Variants in PCED1B observed in about 807,000 individuals in gnomAD.
The protein encoded by PCED1B is PC-esterase domain containing 1B, also known as PC-esterase domain-containing protein 1B.
For synonymous variants in PCED1B, 251 were observed against 246.1 expected (o/e 1.02, Z -0.19); for missense variants, 573 against 573.9 (o/e 1.00, Z 0.02).
intron 2 of PCED1B, among the ~76,000 whole-genome samples, chr12:47,116,010 A>C (rs1939404121): frequency 6.6e-6 from 1 of 152,246 alleles, no homozygotes; most frequent in African/African-American, 2.4e-5. Flanking sequence ...AAAACTTGAA[A>C]TAAATAAGGT....
intron 2 of PCED1B, among the ~76,000 whole-genome samples, chr12:47,131,423 G>C (rs1940120397): frequency 6.6e-6 from 1 of 152,132 alleles, no homozygotes; most frequent in Admixed American, 6.5e-5. Flanking sequence ...TAGAAAACTT[G>C]TTAGGATAAA....
chr12:47,118,611 A>C (rs1939538228), intron 2 of PCED1B, among the ~76,000 whole-genome samples: 1 of 152,164 alleles, frequency 6.6e-6, no homozygotes, highest in Non-Finnish European at 1.5e-5. Flanking sequence ...GTATAGTTTG[A>C]AGTCAGGTAG....
chr12:47,201,686 C>A (rs1444358159), intron 2 of PCED1B, among the ~76,000 whole-genome samples: 1 of 151,906 alleles, frequency 6.6e-6, no homozygotes, highest in Non-Finnish European at 1.5e-5. Context: ...GCAGCCTCAA[C>A]CTCCCGGGCT....
At chr12:47,093,294 T>C (rs543628502) in intron 1 of PCED1B, among the ~76,000 whole-genome samples, 1 of 152,110 alleles carries the variant, frequency 6.6e-6, no homozygotes, top group African/African-American at 2.4e-5. Context: ...TTCCTTTTAT[T>C]GTCCTTTTGA....
rs776141611 is a variant in PCED1B, at chr12:47,180,150, T to C, written c.-525-36072T>C. On this transcript the variant is annotated intron_variant, in intron 2 of 3. Coordinates refer to ENST00000546455, the MANE Select transcript of PCED1B (RefSeq NM_138371.3). ...GTGTTCCTCACTATGTGTCTATGTG[T>C]TCTCATCGTTCACCTCCCACTTGTA... Among the ~76,000 whole-genome samples the C allele has an allele frequency of 7.4e-4, 113 of 152,320 alleles. 1 individual carries two copies. Among genetic ancestry groups the C allele is most frequent in the Admixed American group, 1.6e-3 (25 of 15,298 alleles).
At chr12:47,109,736 T>C (rs751484172) in intron 2 of PCED1B, among the ~76,000 whole-genome samples, 10 of 152,168 alleles carry the variant, frequency 6.6e-5, no homozygotes, top group Non-Finnish European at 1.3e-4. Context: ...GGGGGTGCAA[T>C]AGAATTACCT....
chr12:47,150,117 A>G (rs530224170), intron 2 of PCED1B, among the ~76,000 whole-genome samples: 2 of 152,184 alleles, frequency 1.3e-5, no homozygotes, highest in African/African-American at 2.4e-5. Context: ...TTATTTGTCA[A>G]TCATATTTTA....
chr12:47,118,978 G>A (rs1231853991), intron 2 of PCED1B, among the ~76,000 whole-genome samples: 5 of 152,050 alleles, frequency 3.3e-5, no homozygotes, highest in African/African-American at 7.2e-5. Flanking sequence ...TCACAATCAT[G>A]AGTGTTTTTA....
intron 2 of PCED1B, among the ~76,000 whole-genome samples, chr12:47,127,692 T>C (rs1274966960): frequency 6.6e-6 from 1 of 152,108 alleles, no homozygotes; most frequent in African/African-American, 2.4e-5. Flanking sequence ...TTTAATTCGA[T>C]TTTGGTAAAA....
In PCED1B at chr12:47,204,077, T is replaced by C. The variant is rs11183794; in HGVS notation, c.-525-12145T>C. Among the ~76,000 whole-genome samples, 1,654 of 152,266 alleles carry C rather than the reference T, an allele frequency of 0.011. 80 individuals are homozygous for C. In the East Asian group the frequency reaches 0.15, roughly 14 times the overall value. On this transcript the variant is annotated intron_variant, in intron 2 of 3. Coordinates refer to ENST00000546455, the MANE Select transcript of PCED1B (RefSeq NM_138371.3). The stretch of plus-strand genomic sequence containing the variant: ...CCTCTACCTCAGCCTCCCAAGTAGC[T>C]GGGACTACAGGCATGTGCCATCATG...
At chr12:47,082,679 CATT>C (rs928938177) in intron 1 of PCED1B, among the ~76,000 whole-genome samples, 3 of 152,150 alleles carry the variant, frequency 2.0e-5, no homozygotes, top group African/African-American at 7.2e-5. Context: ...AGCCCTGTGA[CATT>C]ATATAATCCT....
chr12:47,178,860 C>G (rs1395685994), intron 2 of PCED1B, among the ~76,000 whole-genome samples: 2 of 136,932 alleles, frequency 1.5e-5, no homozygotes, highest in African/African-American at 5.4e-5. Context: ...GAGTGAGACT[C>G]CATCTCAAAA....
chr12:47,115,965 T>C (rs1939401434), intron 2 of PCED1B, among the ~76,000 whole-genome samples: 1 of 152,218 alleles, frequency 6.6e-6, no homozygotes, highest in African/African-American at 2.4e-5. Context: ...TCTTTTAAAT[T>C]AGCTCACTAG....
At chr12:47,213,418 G>A (rs1486225322) in intron 2 of PCED1B, among the ~76,000 whole-genome samples, 1 of 152,102 alleles carries the variant, frequency 6.6e-6, no homozygotes, top group Non-Finnish European at 1.5e-5. Flanking sequence ...GTTTAAGGCA[G>A]CCCAGGAATA....
At chr12:47,099,438 G>T (rs576741361) in intron 1 of PCED1B, among the ~76,000 whole-genome samples, 8 of 152,202 alleles carry the variant, frequency 5.3e-5, no homozygotes, top group African/African-American at 1.7e-4. Context: ...CTTGAAAGCG[G>T]GGATCGTCTC....
chr12:47,168,255 A>T (rs894952899), intron 2 of PCED1B, among the ~76,000 whole-genome samples: 5 of 152,192 alleles, frequency 3.3e-5, no homozygotes, highest in African/African-American at 9.7e-5. Flanking sequence ...GTAGCATTTG[A>T]TCTACCCAAG....
chr12:47,126,832 G>A (rs1939906999), intron 2 of PCED1B, among the ~76,000 whole-genome samples: 1 of 152,028 alleles, frequency 6.6e-6, no homozygotes, highest in Non-Finnish European at 1.5e-5. Flanking sequence ...ACTCTGTTGA[G>A]TCCATAGTGC....
intron 2 of PCED1B, among the ~76,000 whole-genome samples, chr12:47,187,155 C>G (rs777103651): frequency 1.3e-5 from 2 of 152,134 alleles, no homozygotes; most frequent in Non-Finnish European, 2.9e-5. Flanking sequence ...AGATTCATCT[C>G]AAAACAGATC....
intron 2 of PCED1B, among the ~76,000 whole-genome samples, chr12:47,172,327 A>T (rs1198852668): frequency 6.8e-6 from 1 of 146,724 alleles, no homozygotes; most frequent in East Asian, 2.0e-4. Context: ...TTCAGTTAAA[A>T]AGTCGTGGGT....
Sources: gnomAD v4.1 joint callset for allele counts (sites outside exome capture counted in the v4.1 genomes callset) on GRCh38, gnomAD v4.1.1 for gene constraint, MANE v1.5 for transcripts, NCBI Gene and HGNC (gene_info 2026-07-23, HGNC 2026-07-21) for gene names.